The following AFG2A variants were observed in gnomAD, a reference collection of about 807,000 sequenced individuals.
AFG2A encodes ATPase family gene 2 protein homolog A.
chr4:123,076,605 G>A, the AFG2A span, among the ~76,000 whole-genome samples: 1 of 149,990 alleles, frequency 6.7e-6, no homozygotes, highest in Non-Finnish European at 1.5e-5. Flanking sequence ...GCCTTTTTTT[G>A]GGGGGTGGGG....
At chr4:122,936,864 C>T in the AFG2A span, among the ~76,000 whole-genome samples, 1 of 152,170 alleles carries the variant, frequency 6.6e-6, no homozygotes, top group Non-Finnish European at 1.5e-5. Context: ...CTTGTAATCC[C>T]AGCTACTCGG....
At chr4:123,202,978 G>A in the AFG2A span, among the ~76,000 whole-genome samples, 2 of 151,986 alleles carry the variant, frequency 1.3e-5, no homozygotes, top group South Asian at 2.1e-4. Context: ...AGCCGTGATC[G>A]TACTGCTGCA....
At chr4:123,081,137 G>C in the AFG2A span, among the ~76,000 whole-genome samples, 20 of 152,200 alleles carry the variant, frequency 1.3e-4, no homozygotes, top group Admixed American at 3.3e-4. Flanking sequence ...ATTAACATTA[G>C]GGTTAACTCT....
the AFG2A span, among the ~76,000 whole-genome samples, chr4:123,019,289 T>TC: frequency 6.6e-6 from 1 of 151,734 alleles, no homozygotes; most frequent in East Asian, 1.9e-4. Flanking sequence ...AGACCATTTT[T>TC]TTTTTTACCA....
At chr4:123,007,315 C>T in the AFG2A span, among the ~76,000 whole-genome samples, 1 of 151,832 alleles carries the variant, frequency 6.6e-6, no homozygotes, top group Non-Finnish European at 1.5e-5. Flanking sequence ...GGAGGAGGCA[C>T]TATTCCTGGC....
At chr4:123,132,505 G>A in the AFG2A span, among the ~76,000 whole-genome samples, 9 of 150,854 alleles carry the variant, frequency 6.0e-5, no homozygotes, top group Non-Finnish European at 1.2e-4. Flanking sequence ...GTGTGTGTGT[G>A]TATACATATA....
chr4:123,261,491 A>G, the AFG2A span, among the ~76,000 whole-genome samples: 1 of 152,192 alleles, frequency 6.6e-6, no homozygotes, highest in Admixed American at 6.5e-5. Flanking sequence ...CAGTTGTCAT[A>G]AGTAATCTAG....
At chr4:123,098,190 G>T in the AFG2A span, among the ~76,000 whole-genome samples, 1 of 151,902 alleles carries the variant, frequency 6.6e-6, no homozygotes, top group East Asian at 1.9e-4. Context: ...TTTAATGTCT[G>T]TTGTTCATAT....
At chr4:123,082,031 T>G in the AFG2A span, among the ~76,000 whole-genome samples, 1 of 152,180 alleles carries the variant, frequency 6.6e-6, no homozygotes, top group African/African-American at 2.4e-5. Context: ...TGGATAACAG[T>G]CTTTATCACA....
the AFG2A span, among the ~76,000 whole-genome samples, chr4:123,207,129 A>C: frequency 9.6e-4 from 146 of 152,258 alleles, no homozygotes; most frequent in African/African-American, 3.4e-3. Flanking sequence ...ATGGTTAGGC[A>C]TTCTAGAGAA....
the AFG2A span, among the ~76,000 whole-genome samples, chr4:123,225,997 ATTTGGTTCTCTG>A: frequency 6.6e-6 from 1 of 152,180 alleles, no homozygotes; most frequent in South Asian, 2.1e-4. Context: ...TTCACTCATG[ATTTGGTTCTCTG>A]TTTGTCTGTT....
At chr4:122,996,597 A>ATAGG in the AFG2A span, among the ~76,000 whole-genome samples, 2 of 151,808 alleles carry the variant, frequency 1.3e-5, no homozygotes, top group Non-Finnish European at 1.5e-5. Flanking sequence ...AGATAGATAG[A>ATAGG]TAGATAGATA....
At chr4:123,039,649 A>G in the AFG2A span, among the ~76,000 whole-genome samples, 2 of 151,690 alleles carry the variant, frequency 1.3e-5, no homozygotes, top group African/African-American at 4.8e-5. Context: ...TTGTACTACA[A>G]TCGTTTTTAC....
chr4:122,998,495 T>A, the AFG2A span, among the ~76,000 whole-genome samples: 8 of 151,416 alleles, frequency 5.3e-5, no homozygotes, highest in Admixed American at 2.6e-4. Flanking sequence ...CAGAGTGTGA[T>A]GTTCCCCTTC....
chr4:123,231,514 C>A, the AFG2A span, among the ~76,000 whole-genome samples: 4 of 151,984 alleles, frequency 2.6e-5, no homozygotes, highest in African/African-American at 9.7e-5. Context: ...CCAGATCACT[C>A]GAAGTTTCTC....
At chr4:123,283,874 C>T in the AFG2A span, among the ~76,000 whole-genome samples, 1 of 152,094 alleles carries the variant, frequency 6.6e-6, no homozygotes, top group Non-Finnish European at 1.5e-5. Flanking sequence ...GCTGTCTGGC[C>T]CTTTACAGCA....
the AFG2A span, among the ~76,000 whole-genome samples, chr4:123,267,979 C>A: frequency 1.3e-5 from 2 of 151,908 alleles, no homozygotes; most frequent in African/African-American, 2.4e-5. Flanking sequence ...GGCTTATAAG[C>A]TAATCACCCA....
At chr4:123,078,829 T>C in the AFG2A span, among the ~76,000 whole-genome samples, 1 of 152,152 alleles carries the variant, frequency 6.6e-6, no homozygotes, top group African/African-American at 2.4e-5. Flanking sequence ...TCTGAACCTT[T>C]ATTTCAGGAT....
At chr4:123,305,357 G>A in the AFG2A span, among the ~76,000 whole-genome samples, 1 of 152,168 alleles carries the variant, frequency 6.6e-6, no homozygotes, top group East Asian at 1.9e-4. Flanking sequence ...CGCACTTACA[G>A]CAGCATCCCT....
Sources: allele counts gnomAD v4.1 joint callset (sites outside exome capture counted in the v4.1 genomes callset), GRCh38; gene constraint gnomAD v4.1.1; transcripts MANE v1.5; gene names NCBI Gene and HGNC (gene_info 2026-07-23, HGNC 2026-07-21).